Variants in EPHB1 observed in about 807,000 individuals in gnomAD.
EPHB1 encodes EPH receptor B1, also known as ephrin type-B receptor 1.
A neutral mutation model predicts 94.4 loss-of-function variants in EPHB1; 30 were observed. That is an observed-to-expected ratio of 0.32 (90% CI 0.24 to 0.43). The LOEUF (loss-of-function observed/expected upper bound fraction) is 0.43. EPHB1 is among the 20% of genes least tolerant of loss of function. The probability of loss-of-function intolerance (pLI) is 1.00; values close to 1 mark genes in which losing one functional copy is unlikely to be tolerated. For missense variants in EPHB1, 1,055 were observed against 1,308.3 expected, an observed-to-expected ratio of 0.81 and a Z score of 2.99; for synonymous variants, 522 against 489.1, an observed-to-expected ratio of 1.07 and a Z score of -0.89.
At chr3:134,974,704 T>C (rs1434086330) in intron 3 of EPHB1, among the ~76,000 whole-genome samples, 1 of 152,236 alleles carries the variant, frequency 6.6e-6, no homozygotes, top group African/African-American at 2.4e-5. Context: ...TAATGGCCTC[T>C]TGTTGGCACC....
chr3:135,060,605 A>G (rs1401827764), intron 3 of EPHB1, among the ~76,000 whole-genome samples: 2 of 152,080 alleles, frequency 1.3e-5, no homozygotes, highest in Non-Finnish European at 2.9e-5. Flanking sequence ...ATTATCAGAC[A>G]GTTTTTTTTA....
Position 134,804,565 on chromosome 3 carries a change from G to T in EPHB1, c.58+8876G>T, listed in dbSNP as rs528568495. Among the ~76,000 whole-genome samples the T allele has an allele frequency of 2.6e-5, 4 of 152,212 alleles. No individual in the cohort carries two copies. The South Asian group carries it at 8.3e-4, about 32-fold the overall frequency. On this transcript the variant is annotated intron_variant, in intron 1 of 15. Transcript: ENST00000398015. ...GATCTTGGTGGGTGTGTGTGGGGGG[G>T]AGGAATCAGGGCACAGCGCAGGTCT... is the stretch of plus-strand genomic sequence containing the variant.
intron 3 of EPHB1, among the ~76,000 whole-genome samples, chr3:135,094,529 T>A (rs1445445877): frequency 2.0e-5 from 3 of 152,176 alleles, no homozygotes; most frequent in African/African-American, 4.8e-5. Context: ...TGCCATTCTA[T>A]TCTGAGGCAG....
intron 4 of EPHB1, among the ~76,000 whole-genome samples, chr3:135,128,178 T>A (rs1166455384): frequency 6.6e-6 from 1 of 152,212 alleles, no homozygotes; most frequent in Non-Finnish European, 1.5e-5. Context: ...CGGAAGGAGA[T>A]GGCAGATTTT....
chr3:134,988,396 C>T (rs1174857227), intron 3 of EPHB1, among the ~76,000 whole-genome samples: 1 of 152,176 alleles, frequency 6.6e-6, no homozygotes, highest in South Asian at 2.1e-4. Flanking sequence ...TGTGCAGTCA[C>T]AGTCCTAAGC....
At position 135,161,748 on chromosome 3, in the gene EPHB1, G is replaced by C. The variant is rs149321213; in HGVS notation, c.1423-270G>C. Among the ~76,000 whole-genome samples the C allele has an allele frequency of 7.0e-3, 1,068 of 152,244 alleles. 10 individuals carry two copies. Among genetic ancestry groups the C allele is most frequent in the African/African-American group, 0.025 (1,020 of 41,530 alleles). On this transcript the variant is annotated intron_variant, in intron 6 of 15. Coordinates refer to ENST00000398015, the MANE Select transcript of EPHB1 (RefSeq NM_004441.5). ...GAGGAGGACTAGAGAATGACAATAA[G>C]CTTCCTCGCCAGTCCCTGAGCACTC... is the stretch of plus-strand genomic sequence containing the variant.
Position 134,811,357 on chromosome 3 carries a change from G to A in EPHB1, c.58+15668G>A, listed in dbSNP as rs569644995. On this transcript the variant is annotated intron_variant, in intron 1 of 15. Coordinates refer to ENST00000398015, the MANE Select transcript of EPHB1 (RefSeq NM_004441.5). ...AAGTTCAAGCAATCCTCCGGCTTCAGCCTCCCGAGTAGCTGGAATTATAGG... is the reference window on the plus strand; with the variant it reads ...AAGTTCAAGCAATCCTCCGGCTTCAACCTCCCGAGTAGCTGGAATTATAGG... 2.7e-5 allele frequency among the ~76,000 whole-genome samples: 4 copies of A among 149,288 alleles called. No individual in the cohort carries two copies. The East Asian group carries it at 8.0e-4, about 30-fold the overall frequency.
intron 1 of EPHB1, among the ~76,000 whole-genome samples, chr3:134,821,278 A>G (rs2036375991): frequency 1.3e-5 from 2 of 152,208 alleles, no homozygotes; most frequent in Non-Finnish European, 2.9e-5. Flanking sequence ...GTCTCATCCA[A>G]AAACACCCTC....
At chr3:134,841,674 A>G (rs895766890) in intron 1 of EPHB1, 9 of 152,218 alleles carry the variant, frequency 5.9e-5, no homozygotes, top group Admixed American at 5.2e-4. Flanking sequence ...TAGGCTCACA[A>G]TCATTTGAAT....
At chr3:135,051,922 G>A (rs1369408769) in intron 3 of EPHB1, among the ~76,000 whole-genome samples, 1 of 152,108 alleles carries the variant, frequency 6.6e-6, no homozygotes, top group Non-Finnish European at 1.5e-5. Flanking sequence ...CACAAAGAAA[G>A]GACACTGAGG....
chr3:134,966,849 T>C (rs1933770168), intron 3 of EPHB1, among the ~76,000 whole-genome samples: 3 of 152,260 alleles, frequency 2.0e-5, no homozygotes, highest in Admixed American at 2.0e-4. Flanking sequence ...GCCCAGTGCA[T>C]GGCCAGGGGA....
In EPHB1 at chr3:135,062,856, T is replaced by C. The variant is rs540868328; in HGVS notation, c.806-43592T>C. Among the ~76,000 whole-genome samples, 357 of 152,336 alleles carry C rather than the reference T, an allele frequency of 2.3e-3. 3 individuals carry two copies. Among genetic ancestry groups the C allele is most frequent in the Non-Finnish European group, 1.2e-3 (80 of 68,020 alleles). On this transcript the variant is annotated intron_variant, in intron 3 of 15. Transcript: ENST00000398015. ...AGTCCTTAATCCATCTTGAGTTGAT[T>C]TTTGTGTAAAGTGACAGATGAGGAT...
intron 1 of EPHB1, among the ~76,000 whole-genome samples, chr3:134,854,237 C>A (rs755921381): frequency 1.3e-5 from 2 of 152,026 alleles, no homozygotes; most frequent in Non-Finnish European, 2.9e-5. Context: ...AAATGTCTGC[C>A]GGAGTCAGTT....
At chr3:134,950,195 C>G (rs187423045) in intron 2 of EPHB1, among the ~76,000 whole-genome samples, 143 of 152,308 alleles carry the variant, frequency 9.4e-4, no homozygotes, top group African/African-American at 3.2e-3. Flanking sequence ...CTCTTTTATT[C>G]CAATCTACAG....
At chr3:135,231,091 C>T (rs752511372) in intron 12 of EPHB1, among the ~76,000 whole-genome samples, 3 of 152,206 alleles carry the variant, frequency 2.0e-5, no homozygotes, top group Non-Finnish European at 4.4e-5. Context: ...GTGTCCTCCT[C>T]AGGGCAGAAG....
chr3:134,834,605 G>C (rs538656248), intron 1 of EPHB1, among the ~76,000 whole-genome samples: 1 of 152,150 alleles, frequency 6.6e-6, no homozygotes, highest in African/African-American at 2.4e-5. Flanking sequence ...ATCTTTTTAT[G>C]TTCAGGACAT....
At chr3:134,974,459 T>TA (rs1934104613) in intron 3 of EPHB1, among the ~76,000 whole-genome samples, 2 of 152,194 alleles carry the variant, frequency 1.3e-5, no homozygotes, top group Admixed American at 1.3e-4. Flanking sequence ...TTGAGTGAAT[T>TA]AATGCTTGTA....
chr3:135,183,980 A>G (rs925795044), intron 10 of EPHB1, among the ~76,000 whole-genome samples: 2 of 152,228 alleles, frequency 1.3e-5, no homozygotes, highest in Admixed American at 6.5e-5. Flanking sequence ...ATGGGAAACA[A>G]TCGCTAAAAC....
At chr3:135,056,095 C>A (rs1559812375) in intron 3 of EPHB1, among the ~76,000 whole-genome samples, 1 of 152,230 alleles carries the variant, frequency 6.6e-6, no homozygotes, top group Non-Finnish European at 1.5e-5. Context: ...ATTTCTGAGT[C>A]CAGGCTGTCA....
Sources: allele counts gnomAD v4.1 joint callset (sites outside exome capture counted in the v4.1 genomes callset), GRCh38; gene constraint gnomAD v4.1.1; transcripts MANE v1.5; gene names NCBI Gene and HGNC (gene_info 2026-07-23, HGNC 2026-07-21).